The following NRXN3 variants were observed in gnomAD, a reference collection of about 807,000 sequenced individuals.
The protein encoded by NRXN3 is neurexin III.
In NRXN3, 32 loss-of-function variants were observed where a neutral mutation model predicts 137.6. The ratio of observed to expected loss-of-function variants is 0.23; its 90% CI spans 0.18 to 0.31. The LOEUF is 0.31. Ranked by LOEUF, NRXN3 falls within the 10% of genes least tolerant of loss-of-function variation. The pLI is 1.00. For missense variants in NRXN3, 1,574 were observed against 2,062.5 expected, an observed-to-expected ratio of 0.76 and a Z score of 4.59; for synonymous variants, 798 against 784.5, an observed-to-expected ratio of 1.02 and a Z score of -0.29.
chr14:79,531,482 T>C (rs1425164625), intron 16 of NRXN3, among the ~76,000 whole-genome samples: 1 of 152,180 alleles, frequency 6.6e-6, no homozygotes, highest in African/African-American at 2.4e-5. Flanking sequence ...ATAGGGATAG[T>C]GTTATGAGAT....
At chr14:79,263,051 C>T (rs79822800) in intron 15 of NRXN3, among the ~76,000 whole-genome samples, 4,990 of 152,178 alleles carry the variant, frequency 0.033, 209 homozygotes, top group African/African-American at 0.088. Context: ...GATGAACTAC[C>T]AGGAAAATGG....
chr14:79,775,394 G>A (rs954859593), intron 19 of NRXN3, among the ~76,000 whole-genome samples: 10 of 151,870 alleles, frequency 6.6e-5, no homozygotes, highest in South Asian at 2.1e-4. Context: ...ATTACTGTTC[G>A]CAGTCATCTA....
intron 10 of NRXN3, among the ~76,000 whole-genome samples, chr14:78,829,116 C>T (rs544787307): frequency 3.3e-5 from 5 of 152,210 alleles, no homozygotes; most frequent in East Asian, 1.9e-4. Context: ...GACACCAGTA[C>T]GGTTGAGAAG....
intron 15 of NRXN3, among the ~76,000 whole-genome samples, chr14:79,136,788 A>G (rs974284441): frequency 6.6e-6 from 1 of 152,212 alleles, no homozygotes; most frequent in East Asian, 1.9e-4. Flanking sequence ...ATTCTTAAGG[A>G]TATAAAGGCA....
At chr14:79,093,924 C>A (rs2049725504) in intron 15 of NRXN3, among the ~76,000 whole-genome samples, 1 of 151,548 alleles carries the variant, frequency 6.6e-6, no homozygotes, top group South Asian at 2.1e-4. Flanking sequence ...TTTTTTTCCC[C>A]TCTCAAATAA....
intron 16 of NRXN3, among the ~76,000 whole-genome samples, chr14:79,609,092 A>G (rs2098064762): frequency 1.3e-5 from 2 of 152,182 alleles, no homozygotes; most frequent in African/African-American, 4.8e-5. Context: ...TTCATAGTGT[A>G]TTTAATCACA....
chr14:78,642,989 T>A (rs75927914), intron 4 of NRXN3, among the ~76,000 whole-genome samples: 6 of 152,226 alleles, frequency 3.9e-5, no homozygotes, highest in African/African-American at 1.4e-4. Context: ...AGCAGACATA[T>A]GCAGGTAGAT....
intron 10 of NRXN3, among the ~76,000 whole-genome samples, chr14:78,917,450 A>C (rs759639897): frequency 6.6e-6 from 1 of 152,212 alleles, no homozygotes; most frequent in Non-Finnish European, 1.5e-5. Flanking sequence ...TGTACCCTTA[A>C]ACCGAAAATT....
intron 10 of NRXN3, among the ~76,000 whole-genome samples, chr14:78,936,321 G>A (rs1236779388): frequency 6.6e-6 from 1 of 152,164 alleles, no homozygotes; most frequent in African/African-American, 2.4e-5. Context: ...ACTACAATCA[G>A]CAGGACAAAT....
intron 4 of NRXN3, among the ~76,000 whole-genome samples, chr14:78,453,285 T>G (rs1056300481): frequency 2.4e-4 from 36 of 152,316 alleles, no homozygotes; most frequent in African/African-American, 7.2e-4. Context: ...TATATGGAAC[T>G]CTCTTCCTCC....
chr14:78,824,618 A>G lies in NRXN3; in HGVS notation c.2275+14274A>G, dbSNP rs546924674. Among the ~76,000 whole-genome samples, 22 of 152,348 alleles carry G rather than the reference A, an allele frequency of 1.4e-4. No individual in the cohort carries two copies. In the East Asian group the frequency reaches 3.7e-3, roughly 25 times the overall value. ...TCTCAGCAGATCAGATGAAAATACC[A>G]TAGATTATCATAATGAGGGCACTTG... On this transcript the variant is annotated intron_variant, in intron 10 of 20. Transcript: ENST00000335750.
chr14:78,219,496 C>T (rs892707135), intron 1 of NRXN3, among the ~76,000 whole-genome samples: 2 of 152,170 alleles, frequency 1.3e-5, no homozygotes, highest in African/African-American at 4.8e-5. Flanking sequence ...GCACCCTGAT[C>T]CAAGTTAGAA....
rs542397135 is a variant in NRXN3 at position 78,182,584 on chromosome 14, C to T, written c.-704+11910C>T. ...TGCCGGGTTCAAGCGATTCTCCTGC[C>T]TCAGCCTCCCGAGTAGCTGGGATTA... On this transcript the variant is annotated intron_variant, in intron 1 of 20. Transcript: ENST00000335750. Among the ~76,000 whole-genome samples the T allele has an allele frequency of 4.6e-5, 7 of 152,324 alleles. No individual in the cohort carries two copies. In the East Asian group the frequency reaches 1.2e-3, roughly 25 times the overall value.
chr14:79,697,984 C>A, intron 19 of NRXN3, 47 bp downstream of exon 19: 1 of 1,517,288 alleles, frequency 6.6e-7, no homozygotes, highest in Non-Finnish European at 9.1e-7. Context: ...TTTATCTTTG[C>A]AACATTGTTA....
At chr14:79,104,694 A>G (rs148413457) in intron 15 of NRXN3, among the ~76,000 whole-genome samples, 27 of 152,230 alleles carry the variant, frequency 1.8e-4, no homozygotes, top group African/African-American at 4.8e-4. Flanking sequence ...TCTCTCTTTT[A>G]CCTTCTGGCA....
At chr14:78,971,441 T>TATATACAC (rs71131669) in intron 14 of NRXN3, among the ~76,000 whole-genome samples, 6 of 142,530 alleles carry the variant, frequency 4.2e-5, no homozygotes, top group Non-Finnish European at 6.1e-5. Flanking sequence ...TATATATATA[T>TATATACAC]ACACACACAC....
chr14:79,008,404 T>G (rs562724376), intron 15 of NRXN3, among the ~76,000 whole-genome samples: 2 of 152,188 alleles, frequency 1.3e-5, no homozygotes, highest in South Asian at 4.1e-4. Flanking sequence ...TTTTTATTAT[T>G]GAACACAGAC....
chr14:78,653,309 A>G (rs143091642), intron 6 of NRXN3, among the ~76,000 whole-genome samples: 1,698 of 152,286 alleles, frequency 0.011, 14 homozygotes, highest in South Asian at 0.028. Context: ...TGTCTAGTGA[A>G]CCCTGAAAGA....
chr14:78,433,975 AC>A (rs1160279003), intron 4 of NRXN3, among the ~76,000 whole-genome samples: 1 of 152,202 alleles, frequency 6.6e-6, no homozygotes. Context: ...AGTTGAAAAT[AC>A]ATTTAATACA....
Sources: allele counts gnomAD v4.1 joint callset (sites outside exome capture counted in the v4.1 genomes callset), GRCh38; gene constraint gnomAD v4.1.1; transcripts MANE v1.5; gene names NCBI Gene and HGNC (gene_info 2026-07-23, HGNC 2026-07-21).